PRMT9: variants seen among roughly 807,000 people sequenced by gnomAD.
PRMT9 encodes the protein protein arginine methyltransferase 9.
In PRMT9, 59 loss-of-function variants were observed where a neutral mutation model predicts 83.2. The ratio of observed to expected loss-of-function variants is 0.71; its 90% CI spans 0.57 to 0.88. The LOEUF (loss-of-function observed/expected upper bound fraction) is 0.88. Ranked by LOEUF, PRMT9 falls within the 40% of genes least tolerant of loss-of-function variation. The pLI, the probability that PRMT9 is intolerant of heterozygous loss-of-function variation, is 0.00. For synonymous variants in PRMT9, 333 were observed against 353.2 expected (o/e 0.94, Z 0.64); for missense variants, 947 against 1,021.9 (o/e 0.93, Z 1.00).
intron 1 of PRMT9, among the ~76,000 whole-genome samples, chr4:147,681,938 G>A (rs1046607145): frequency 7.2e-5 from 11 of 152,094 alleles, no homozygotes; most frequent in African/African-American, 2.7e-4. Context: ...GACTTTGTTC[G>A]GCAGGAAACA....
chr4:147,639,581 GT>G (rs763231706), intron 10 of PRMT9, among the ~76,000 whole-genome samples: 1 of 152,128 alleles, frequency 6.6e-6, no homozygotes, highest in African/African-American at 2.4e-5. Flanking sequence ...ACCTGGGGAG[GT>G]TTTTAAAAGC....
At chr4:147,639,642 T>G (rs1419304240) in intron 10 of PRMT9, among the ~76,000 whole-genome samples, 1 of 152,216 alleles carries the variant, frequency 6.6e-6, no homozygotes, top group African/African-American at 2.4e-5. Context: ...GATCCCCAGA[T>G]GTTTCCAATG....
intron 2 of PRMT9, among the ~76,000 whole-genome samples, chr4:147,676,680 G>A (rs1386085600): frequency 6.6e-6 from 1 of 152,158 alleles, no homozygotes; most frequent in Non-Finnish European, 1.5e-5. Context: ...ATGCCTTGCA[G>A]TTACATTACT....
At chr4:147,662,118 G>A (rs1735005801) in intron 6 of PRMT9, among the ~76,000 whole-genome samples, 1 of 152,088 alleles carries the variant, frequency 6.6e-6, no homozygotes, top group East Asian at 1.9e-4. Flanking sequence ...AAAAAAAACT[G>A]ATATAACCTA....
intron 10 of PRMT9, 143 bp from the exon 11 acceptor site, chr4:147,639,225 C>T (rs1733220071): frequency 2.8e-6 from 2 of 704,088 alleles, no homozygotes; most frequent in African/African-American, 1.8e-5. Flanking sequence ...TTTTACATTA[C>T]CTCCTTTATA....
In PRMT9 at chr4:147,670,861, T is replaced by G. The variant is rs531143273; in HGVS notation, c.744-118A>C. 12 of 679,270 alleles carry G rather than the reference T, an allele frequency of 1.8e-5. No individual in the cohort carries two copies. The Admixed American group carries it at 2.7e-4, about 15-fold the overall frequency. 42.1% of individuals were successfully genotyped at this position (679,270 alleles called of 1,614,324 possible). A position where few individuals can be genotyped will look rare whatever the true frequency, so the allele number is the denominator to read the frequency against. ...ATAGAAACAGTCCATATGTAATATA[T>G]CCTAATACATTTCATTTTTAAGATC... On this transcript the variant is annotated intron_variant, in intron 4 of 11. Coordinates refer to ENST00000322396, the MANE Select transcript of PRMT9 (RefSeq NM_138364.4).
chr4:147,654,372 T>C lies in PRMT9; in HGVS notation c.1525A>G (p.Ser509Gly). ...LCSALANLQT[S>G]KPDAVEQTCI... ...GTCTGCTCTACAGCATCTGGTTTAC[T>C]GGTCTGAAGGTTAGCGAGGGCACTA... Residue 509 changes from serine (S) to glycine (G), a missense_variant, in exon 9 of 12, where the codon AGT (serine) becomes GGT (glycine). Transcript: ENST00000322396. The C allele has an allele frequency of 6.2e-7, 1 of 1,614,234 alleles. No homozygotes were observed. The highest frequency in any genetic ancestry group is 1.3e-5 in the African/African-American group (1 of 75,064).
chr4:147,643,522 G>C (rs1332009080), intron 9 of PRMT9, among the ~76,000 whole-genome samples: 1 of 152,142 alleles, frequency 6.6e-6, no homozygotes, highest in African/African-American at 2.4e-5. Context: ...TTTAGATTCA[G>C]GAAAGAGTCA....
intron 4 of PRMT9, among the ~76,000 whole-genome samples, chr4:147,671,020 T>G (rs1242095347): frequency 6.6e-6 from 1 of 152,128 alleles, no homozygotes; most frequent in Admixed American, 6.6e-5. Context: ...GGCCTTGTTC[T>G]CTCTCCAGGC....
intron 10 of PRMT9, among the ~76,000 whole-genome samples, chr4:147,640,061 CTT>C (rs1185905675): frequency 2.3e-4 from 8 of 35,096 alleles, no homozygotes; most frequent in African/African-American, 7.3e-4. Flanking sequence ...CCACTCCTGT[CTT>C]TTTTTTTTTT....
At chr4:147,683,091 A>T (rs1736600688) in intron 1 of PRMT9, among the ~76,000 whole-genome samples, 1 of 152,332 alleles carries the variant, frequency 6.6e-6, no homozygotes, top group Non-Finnish European at 1.5e-5. Flanking sequence ...CAAATAATCC[A>T]ATAATTGAAG....
At chr4:147,659,258 G>A (rs1421877689) in intron 7 of PRMT9, among the ~76,000 whole-genome samples, 12 of 150,916 alleles carry the variant, frequency 8.0e-5, no homozygotes, top group South Asian at 6.3e-4. Context: ...AAAATTAGCC[G>A]CTCATGGTGG....
intron 6 of PRMT9, among the ~76,000 whole-genome samples, chr4:147,664,073 G>A (rs1397345260): frequency 6.6e-6 from 1 of 152,168 alleles, no homozygotes; most frequent in Admixed American, 6.5e-5. Context: ...AAGCACTTTA[G>A]GAGGCTAAGG....
chr4:147,656,040 G>C lies in PRMT9; in HGVS notation c.1331-1474C>G, dbSNP rs145003765. ...CTATAACAGTGCTGCAAGATAAATG[G>C]TATCATCCCGTTTTTATATATGATA... On this transcript the variant is annotated intron_variant, in intron 8 of 11. Coordinates refer to ENST00000322396, the MANE Select transcript of PRMT9 (RefSeq NM_138364.4). Among the ~76,000 whole-genome samples, 26 of 152,126 alleles carry C rather than the reference G, an allele frequency of 1.7e-4. No homozygotes were observed. The East Asian group carries it at 4.3e-3, about 25-fold the overall frequency.
intron 10 of PRMT9, among the ~76,000 whole-genome samples, chr4:147,640,269 T>C (rs1029017660): frequency 6.6e-6 from 1 of 151,726 alleles, no homozygotes; most frequent in Non-Finnish European, 1.5e-5. Context: ...GATGGGTTTT[T>C]GCCATGTTGT....
Position 147,638,551 on chromosome 4 carries a change from C to T in PRMT9, c.2519G>A (p.Ser840Asn). ...LSIQHHKSNV[S>N]ITVKQ ...TGCTCTTCATTGCTTTACTGTGATG[C>T]TGACATTGCTTTTGTGATGCTGAAT... Residue 840 changes from serine to asparagine, a missense_variant, in exon 12 of 12, where the codon AGC (serine) becomes AAC (asparagine). Physicochemically the swap from Ser to Asn is conservative, Grantham distance 46 (BLOSUM62 1). Transcript: ENST00000322396. 1 of 1,613,532 alleles carries T rather than the reference C, an allele frequency of 6.2e-7. No homozygotes were observed. Among genetic ancestry groups the T allele is most frequent in the South Asian group, 1.1e-5 (1 of 91,076 alleles).
At chr4:147,654,609 T>C (rs1734361640) in intron 8 of PRMT9, 43 bp from the exon 9 acceptor site, 4 of 1,265,130 alleles carry the variant, frequency 3.2e-6, no homozygotes, top group Non-Finnish European at 3.5e-6. Context: ...GGAGTACTTA[T>C]AAGCCAGAGG....
At position 147,664,535 on chromosome 4, in the gene PRMT9, A is replaced by T. The variant is rs188975759; in HGVS notation, c.954-3497T>A. 1.3e-3 allele frequency among the ~76,000 whole-genome samples: 192 copies of T among 152,308 alleles called. 1 individual carries two copies. The highest frequency in any genetic ancestry group is 4.5e-3 in the African/African-American group (186 of 41,562). On this transcript the variant is annotated intron_variant, in intron 6 of 11. Coordinates refer to ENST00000322396, the MANE Select transcript of PRMT9 (RefSeq NM_138364.4). ...CTGTACATTTTGGATGTGGTACTAT[A>T]TAAGCAATGCATCCTCAAAGCATCA...
In PRMT9 at chr4:147,637,985, G is replaced by T. The variant is rs2654936; in HGVS notation, c.*547C>A. On this transcript the variant is annotated 3_prime_UTR_variant, in exon 12 of 12. Coordinates refer to ENST00000322396, the MANE Select transcript of PRMT9 (RefSeq NM_138364.4). ...AAGAAAAATGCTGCCTCCTGAAGAT[G>T]TATTCCCTAACTCCTTTACTGTTTT... 152,747 of 152,820 alleles carry T rather than the reference G, an allele frequency of 1. 76,337 individuals carry two copies. Among genetic ancestry groups the T allele is most frequent in the Non-Finnish European group, 1 (68,400 of 68,400 alleles). The allele number at this position is 152,820 out of a possible 1,614,324, so 9.5% of individuals were successfully genotyped here. A position where few individuals can be genotyped will look rare whatever the true frequency, so the allele number is the denominator to read the frequency against.
Sources: gnomAD v4.1 joint callset for allele counts (sites outside exome capture counted in the v4.1 genomes callset) on GRCh38, gnomAD v4.1.1 for gene constraint, MANE v1.5 for transcripts, NCBI Gene and HGNC (gene_info 2026-07-23, HGNC 2026-07-21) for gene names.